The following ZNF827 variants were observed in gnomAD, a reference collection of about 807,000 sequenced individuals.
The protein encoded by ZNF827 is zinc finger protein 827.
ZNF827 carries 13 observed loss-of-function variants against 102.4 expected under a neutral mutation model. The ratio of observed to expected loss-of-function variants is 0.13; its 90% confidence interval spans 0.08 to 0.20. ZNF827 has a LOEUF of 0.20. ZNF827 is among the 10% of genes least tolerant of loss of function. ZNF827 has a pLI of 1.00. For synonymous variants in ZNF827, 523 were observed against 536.2 expected, an observed-to-expected ratio of 0.98 and a Z score of 0.34; for missense variants, 1,103 against 1,344.4, an observed-to-expected ratio of 0.82 and a Z score of 2.81.
At chr4:145,785,493 T>C (rs1441408237) in intron 8 of ZNF827, among the ~76,000 whole-genome samples, 1 of 152,132 alleles carries the variant, frequency 6.6e-6, no homozygotes, top group Non-Finnish European at 1.5e-5. Context: ...TTCAGGAGGA[T>C]AAAAATGAAG....
At chr4:145,901,501 C>T (rs988644658) in intron 2 of ZNF827, among the ~76,000 whole-genome samples, 1 of 152,210 alleles carries the variant, frequency 6.6e-6, no homozygotes, top group African/African-American at 2.4e-5. Context: ...TCCACATGCA[C>T]ATTCCTTCAA....
chr4:145,854,637 CTT>C (rs980055729), intron 5 of ZNF827, among the ~76,000 whole-genome samples: 27 of 152,232 alleles, frequency 1.8e-4, no homozygotes, highest in African/African-American at 6.5e-4. Flanking sequence ...CTCCATGTGA[CTT>C]TGTGCTCCTG....
Position 145,845,950 on chromosome 4 carries a change from G to A in ZNF827, c.2279+6C>T, listed in dbSNP as rs748108541. The A allele has an allele frequency of 5.4e-5, 87 of 1,614,036 alleles. No individual in the cohort carries two copies. Among genetic ancestry groups the A allele is most frequent in the African/African-American group, 9.3e-5 (7 of 74,924 alleles). On this transcript the variant is annotated splice_donor_region_variant and intron_variant, in intron 7 of 14. Transcript: ENST00000508784. ...GTTCTGGAGGAACCCACACAAAGTC[G>A]CCTACCTGGTCGTGGTCCGGATGGT...
At chr4:145,925,126 C>T (rs1054494252) in intron 1 of ZNF827, among the ~76,000 whole-genome samples, 3 of 152,052 alleles carry the variant, frequency 2.0e-5, no homozygotes, top group South Asian at 2.1e-4. Context: ...CATCAGATCT[C>T]ATGAGACTAT....
intron 1 of ZNF827, among the ~76,000 whole-genome samples, chr4:145,918,208 C>T (rs568723439): frequency 2.6e-5 from 4 of 151,806 alleles, no homozygotes; most frequent in Admixed American, 2.6e-4. Context: ...AAAATTTCCA[C>T]ATTAATATCA....
At chr4:145,936,909 G>C (rs1754217018) in intron 1 of ZNF827, among the ~76,000 whole-genome samples, 1 of 151,914 alleles carries the variant, frequency 6.6e-6, no homozygotes, top group African/African-American at 2.4e-5. Context: ...GGAGAGGGGA[G>C]TAGTGTGGGG....
intron 9 of ZNF827, among the ~76,000 whole-genome samples, chr4:145,776,284 C>A (rs1057219344): frequency 5.3e-5 from 8 of 151,852 alleles, no homozygotes; most frequent in African/African-American, 1.9e-4. Context: ...CAGCGAGACT[C>A]CATCTCTACA....
chr4:145,916,958 A>C (rs1405516967), intron 1 of ZNF827, among the ~76,000 whole-genome samples: 1 of 152,186 alleles, frequency 6.6e-6, no homozygotes, highest in Non-Finnish European at 1.5e-5. Context: ...CCTCTTTTCT[A>C]TCTGAGATCT....
intron 1 of ZNF827, among the ~76,000 whole-genome samples, chr4:145,921,221 T>C (rs1753039937): frequency 6.6e-6 from 1 of 152,086 alleles, no homozygotes; most frequent in East Asian, 1.9e-4. Flanking sequence ...GCAGAACAGA[T>C]AGTTCAGTAC....
At chr4:145,799,619 C>A (rs546918145) in intron 8 of ZNF827, among the ~76,000 whole-genome samples, 1 of 152,316 alleles carries the variant, frequency 6.6e-6, no homozygotes, top group Admixed American at 6.5e-5. Flanking sequence ...CCATACTTTT[C>A]TCCTTCCTTT....
At chr4:145,924,852 C>CCCTT (rs1753314212) in intron 1 of ZNF827, among the ~76,000 whole-genome samples, 2 of 152,254 alleles carry the variant, frequency 1.3e-5, no homozygotes, top group Admixed American at 6.5e-5. Context: ...TCAATGAAGT[C>CCCTT]CCTTATCTTA....
intron 1 of ZNF827, among the ~76,000 whole-genome samples, chr4:145,924,389 A>G (rs762659552): frequency 6.6e-6 from 1 of 152,250 alleles, no homozygotes; most frequent in African/African-American, 2.4e-5. Flanking sequence ...TATAGATGTT[A>G]GATATACTAT....
At chr4:145,815,955 G>T (rs1742555589) in intron 8 of ZNF827, among the ~76,000 whole-genome samples, 1 of 152,240 alleles carries the variant, frequency 6.6e-6, no homozygotes. Context: ...AATTTGCTCT[G>T]TTCAGAGGAA....
intron 4 of ZNF827, among the ~76,000 whole-genome samples, chr4:145,878,607 A>AGGACAGGACAGGAC (rs1579453060): frequency 1.3e-5 from 1 of 76,952 alleles, no homozygotes; most frequent in African/African-American, 5.3e-5. Flanking sequence ...CAGGACAGGA[A>AGGACAGGACAGGAC]AGGAAAGGAA....
chr4:145,781,188 A>G (rs1202156114), intron 8 of ZNF827, among the ~76,000 whole-genome samples: 2 of 128,164 alleles, frequency 1.6e-5, no homozygotes, highest in Non-Finnish European at 3.2e-5. Flanking sequence ...AGAACGAGAC[A>G]CCATCTCAAA....
At chr4:145,830,739 A>G (rs887376040) in intron 7 of ZNF827, 4 of 152,212 alleles carry the variant, frequency 2.6e-5, no homozygotes, top group Non-Finnish European at 1.5e-5. Flanking sequence ...TTTTGTAAAA[A>G]AATTTCGAAC....
intron 5 of ZNF827, among the ~76,000 whole-genome samples, chr4:145,854,828 T>A (rs1231560690): frequency 1.3e-5 from 2 of 152,232 alleles, no homozygotes; most frequent in Non-Finnish European, 2.9e-5. Context: ...ACTCTCTCCC[T>A]CATCTTTTCT....
intron 7 of ZNF827, among the ~76,000 whole-genome samples, chr4:145,843,900 T>C (rs1257542085): frequency 1.3e-5 from 2 of 152,152 alleles, no homozygotes; most frequent in Non-Finnish European, 2.9e-5. Flanking sequence ...TCCTTCTCCT[T>C]CTCTTTCCTC....
chr4:145,834,034 T>C (rs1161691464), intron 7 of ZNF827, among the ~76,000 whole-genome samples: 2 of 152,126 alleles, frequency 1.3e-5, no homozygotes, highest in Non-Finnish European at 2.9e-5. Flanking sequence ...TCTACTCCCT[T>C]GGCCTGTGTT....
Sources: allele counts gnomAD v4.1 joint callset (sites outside exome capture counted in the v4.1 genomes callset), GRCh38; gene constraint gnomAD v4.1.1; transcripts MANE v1.5; gene names NCBI Gene and HGNC (gene_info 2026-07-23, HGNC 2026-07-21).